The following EYS variants were observed in gnomAD, a reference collection of about 807,000 sequenced individuals.
The protein encoded by EYS is protein eyes shut homolog.
A neutral mutation model predicts 282.1 loss-of-function variants in EYS; 250 were observed. The observed-to-expected ratio is 0.89, with a 90% confidence interval of 0.80 to 0.98. EYS has a LOEUF of 0.98. EYS is among the 50% of genes least tolerant of loss of function. The pLI is 0.00. For synonymous variants in EYS, 1,355 were observed against 1,282.9 expected (o/e 1.06, Z -1.20); for missense variants, 4,016 against 3,709.0 (o/e 1.08, Z -2.15).
chr6:64,429,401 C>T (rs960754480), intron 28 of EYS, among the ~76,000 whole-genome samples: 1 of 152,124 alleles, frequency 6.6e-6, no homozygotes, highest in Non-Finnish European at 1.5e-5. Context: ...GAAGCCAAGG[C>T]AGGTGGATCA....
At chr6:63,833,816 A>G (rs977798586) in intron 36 of EYS, among the ~76,000 whole-genome samples, 6 of 152,200 alleles carry the variant, frequency 3.9e-5, no homozygotes, top group Non-Finnish European at 8.8e-5. Flanking sequence ...ACTATACTAC[A>G]AGGCTACAGT....
At chr6:63,978,276 CG>C (rs1174511238) in intron 35 of EYS, among the ~76,000 whole-genome samples, 3 of 151,906 alleles carry the variant, frequency 2.0e-5, no homozygotes, top group African/African-American at 4.8e-5. Flanking sequence ...TAGCTTTCCC[CG>C]CCACCTGTTT....
chr6:63,767,826 A>G (rs146823076), intron 40 of EYS, among the ~76,000 whole-genome samples: 2 of 152,146 alleles, frequency 1.3e-5, no homozygotes, highest in African/African-American at 4.8e-5. Context: ...TTCAAACTAT[A>G]CTACAAGCCT....
intron 29 of EYS, among the ~76,000 whole-genome samples, chr6:64,340,041 C>T (rs914927147): frequency 1.7e-3 from 5 of 2,986 alleles, no homozygotes; most frequent in African/African-American, 9.0e-3. Flanking sequence ...CCCCAATAAT[C>T]TATGAAAAAA....
At chr6:64,601,270 C>T (rs1325105194) in intron 24 of EYS, among the ~76,000 whole-genome samples, 5 of 152,076 alleles carry the variant, frequency 3.3e-5, no homozygotes, top group Non-Finnish European at 7.4e-5. Flanking sequence ...CTACTTCACA[C>T]TTCTCTGAAA....
At chr6:65,363,564 T>C (rs989484164) in intron 8 of EYS, among the ~76,000 whole-genome samples, 1 of 151,866 alleles carries the variant, frequency 6.6e-6, no homozygotes, top group African/African-American at 2.4e-5. Flanking sequence ...CTTGATAACG[T>C]TGCCATCTCA....
chr6:64,700,577 T>C (rs561909744), intron 22 of EYS, among the ~76,000 whole-genome samples: 2 of 152,122 alleles, frequency 1.3e-5, no homozygotes, highest in South Asian at 2.1e-4. Flanking sequence ...CCTTTCTATA[T>C]ACAAATGATG....
intron 14 of EYS, among the ~76,000 whole-genome samples, chr6:64,980,539 T>C (rs1176414156): frequency 8.6e-5 from 13 of 151,478 alleles, no homozygotes; most frequent in Non-Finnish European, 1.3e-4. Context: ...TATTACAGCA[T>C]GTCTGATATT....
chr6:65,312,886 T>G (rs1769198330), intron 11 of EYS, among the ~76,000 whole-genome samples: 1 of 152,084 alleles, frequency 6.6e-6, no homozygotes, highest in African/African-American at 2.4e-5. Flanking sequence ...TTCTGGCTCT[T>G]TAGGAGGGAG....
At chr6:64,567,721 T>C (rs1172134595) in intron 26 of EYS, among the ~76,000 whole-genome samples, 1 of 152,174 alleles carries the variant, frequency 6.6e-6, no homozygotes, top group Non-Finnish European at 1.5e-5. Context: ...AAGAAAATTA[T>C]AACATATGGT....
chr6:64,273,465 C>T (rs1374089584), intron 30 of EYS, among the ~76,000 whole-genome samples: 1 of 151,892 alleles, frequency 6.6e-6, no homozygotes, highest in African/African-American at 2.4e-5. Flanking sequence ...TTTTAACTAA[C>T]TATATAGTCT....
intron 26 of EYS, among the ~76,000 whole-genome samples, chr6:64,482,357 T>C (rs1374539535): frequency 4.0e-5 from 6 of 151,730 alleles, no homozygotes; most frequent in Non-Finnish European, 7.4e-5. Flanking sequence ...TTAGGTAGCA[T>C]TGGCCACCAT....
chr6:65,692,398 A>C (rs1168498159), intron 1 of EYS, among the ~76,000 whole-genome samples: 3 of 150,096 alleles, frequency 2.0e-5, no homozygotes, highest in African/African-American at 7.3e-5. Context: ...GCTCCCTAAA[A>C]CTATAAAAAT....
At chr6:65,079,310 G>C (rs1774150801) in intron 12 of EYS, among the ~76,000 whole-genome samples, 1 of 151,908 alleles carries the variant, frequency 6.6e-6, no homozygotes, top group Non-Finnish European at 1.5e-5. Context: ...AAGAGGAACT[G>C]AATTTTTAAT....
chr6:64,007,171 G>C (rs561940497), intron 33 of EYS, among the ~76,000 whole-genome samples: 75 of 152,104 alleles, frequency 4.9e-4, no homozygotes, highest in Non-Finnish European at 5.2e-4. Context: ...ATTCAACTTT[G>C]AAACACATTA....
At chr6:64,707,263 A>G (rs1771052892) in intron 22 of EYS, among the ~76,000 whole-genome samples, 3 of 152,316 alleles carry the variant, frequency 2.0e-5, no homozygotes. Context: ...CAAACATTGT[A>G]TCTTTTCACT....
In EYS at chr6:65,295,956, T is replaced by C; in HGVS notation, c.1930A>G (p.Thr644Ala). The change falls in exon 12 of 43, where the codon ACT becomes GCT. Residue 644 changes from threonine to alanine, a missense_variant. Physicochemically the swap from Thr to Ala is moderately conservative, Grantham distance 58. Transcript: ENST00000503581. Reference protein sequence around the residue: ...RYERNICEIDTEDCKSASCKN... With the variant: ...RYERNICEIDAEDCKSASCKN... ...CAGGACGCAGATTTGCAGTCTTCAGTATCTATCTCACAGATGTTCCTTTCA... is the reference window on the plus strand; with the variant it reads ...CAGGACGCAGATTTGCAGTCTTCAGCATCTATCTCACAGATGTTCCTTTCA... 1 of 1,551,252 alleles carries C rather than the reference T, an allele frequency of 6.4e-7. No homozygotes were observed. The highest frequency in any genetic ancestry group is 8.7e-7 in the Non-Finnish European group (1 of 1,146,554).
intron 37 of EYS, among the ~76,000 whole-genome samples, chr6:63,801,195 C>T (rs780440153): frequency 6.6e-5 from 10 of 151,814 alleles, no homozygotes; most frequent in Middle Eastern, 3.4e-3. Flanking sequence ...CATGACTGAG[C>T]GGAGAGACTA....
intron 29 of EYS, among the ~76,000 whole-genome samples, chr6:64,376,401 G>A (rs1459156206): frequency 1.3e-5 from 2 of 152,150 alleles, no homozygotes; most frequent in African/African-American, 4.8e-5. Context: ...AAATACCCAG[G>A]CAAATGAAGG....
Sources: allele counts gnomAD v4.1 joint callset (sites outside exome capture counted in the v4.1 genomes callset), GRCh38; gene constraint gnomAD v4.1.1; transcripts MANE v1.5; gene names NCBI Gene and HGNC (gene_info 2026-07-23, HGNC 2026-07-21).